Variants in CRYL1 observed in about 807,000 individuals in gnomAD.
CRYL1 encodes the protein crystallin lambda 1.
CRYL1 carries 29 observed loss-of-function variants against 36.6 expected under a neutral mutation model. The ratio of observed to expected loss-of-function variants is 0.79; its 90% CI spans 0.59 to 1.08. The LOEUF (loss-of-function observed/expected upper bound fraction) is 1.08. CRYL1 is among the 50% of genes least tolerant of loss of function. The probability of loss-of-function intolerance (pLI) is 0.00; values close to 1 mark genes in which losing one functional copy is unlikely to be tolerated. For synonymous variants in CRYL1, 152 were observed against 151.5 expected (o/e 1.00, Z -0.02); for missense variants, 411 against 407.9 (o/e 1.01, Z -0.06).
chr13:20,462,032 T>A (rs1287466466), intron 3 of CRYL1, among the ~76,000 whole-genome samples: 2 of 4,978 alleles, frequency 4.0e-4, no homozygotes, highest in Admixed American at 2.7e-3. Flanking sequence ...GAGGACAGTC[T>A]GGAGAGAAGA....
intron 3 of CRYL1, among the ~76,000 whole-genome samples, chr13:20,468,899 G>A (rs1332171012): frequency 6.6e-6 from 1 of 152,252 alleles, no homozygotes; most frequent in East Asian, 1.9e-4. Context: ...GATCCACCAT[G>A]CCCAGCGCTC....
chr13:20,432,010 GAAC>G lies in CRYL1; in HGVS notation c.633+89_633+91del, dbSNP rs768917825. On this transcript the variant is annotated intron_variant, in intron 5 of 7. Coordinates refer to ENST00000298248, the MANE Select transcript of CRYL1 (RefSeq NM_015974.3). ...TTTCCCAGCTTCCAGGCTGCCCAAG[GAAC>G]AACTTTCACTGTCCTGCTCAACTTT... 18 of 1,599,954 alleles carry G rather than the reference GAAC, an allele frequency of 1.1e-5. No homozygotes were observed. In the East Asian group the frequency reaches 4.0e-4, roughly 36 times the overall value.
chr13:20,421,394 A>G (rs2031811113), intron 5 of CRYL1, among the ~76,000 whole-genome samples: 1 of 152,178 alleles, frequency 6.6e-6, no homozygotes, highest in African/African-American at 2.4e-5. Context: ...TGAACCAAAG[A>G]GTGTAAGCCC....
chr13:20,510,990 T>C (rs2137507912), intron 2 of CRYL1, among the ~76,000 whole-genome samples: 1 of 152,328 alleles, frequency 6.6e-6, no homozygotes, highest in Middle Eastern at 3.4e-3. Flanking sequence ...GGTTCTGAAA[T>C]GCCAAGTCCC....
intron 2 of CRYL1, among the ~76,000 whole-genome samples, chr13:20,499,094 A>G (rs7337035): frequency 0.87 from 132,644 of 152,148 alleles, 60,424 homozygotes; most frequent in East Asian, 1. Context: ...TGTAATTGCA[A>G]CACTTTGGGA....
chr13:20,450,444 A>G (rs2032545943), intron 3 of CRYL1, among the ~76,000 whole-genome samples: 1 of 152,192 alleles, frequency 6.6e-6, no homozygotes, highest in Non-Finnish European at 1.5e-5. Flanking sequence ...TTAACTCAAG[A>G]TAGACTAAAG....
chr13:20,407,266 C>T (rs549298553), intron 6 of CRYL1, among the ~76,000 whole-genome samples: 2 of 151,830 alleles, frequency 1.3e-5, no homozygotes, highest in African/African-American at 4.8e-5. Flanking sequence ...GAAGTTTAGG[C>T]GCCCACACCA....
intron 5 of CRYL1, among the ~76,000 whole-genome samples, chr13:20,413,984 G>T (rs1270849651): frequency 6.6e-6 from 1 of 152,000 alleles, no homozygotes; most frequent in African/African-American, 2.4e-5. Context: ...GACCAGCCTG[G>T]CCAACATGGT....
intron 2 of CRYL1, among the ~76,000 whole-genome samples, chr13:20,499,169 C>T (rs998681721): frequency 6.6e-6 from 1 of 151,934 alleles, no homozygotes; most frequent in African/African-American, 2.4e-5. Context: ...CATGGCAAAA[C>T]CCCATCTCTA....
At chr13:20,516,726 T>C (rs1291697587) in intron 1 of CRYL1, among the ~76,000 whole-genome samples, 1 of 152,124 alleles carries the variant, frequency 6.6e-6, no homozygotes, top group Non-Finnish European at 1.5e-5. Flanking sequence ...GTGATCCACC[T>C]GCCTTGGCCT....
At chr13:20,473,330 C>T (rs907031001) in intron 3 of CRYL1, among the ~76,000 whole-genome samples, 2 of 152,216 alleles carry the variant, frequency 1.3e-5, no homozygotes, top group African/African-American at 4.8e-5. Flanking sequence ...AGCTGTGAGA[C>T]AGCTATATTT....
rs546887378 is a variant in CRYL1, at chr13:20,476,022, C to A, written c.276+13348G>T. Among the ~76,000 whole-genome samples the A allele has an allele frequency of 5.9e-5, 9 of 152,296 alleles. No homozygotes were observed. In the East Asian group the frequency reaches 1.2e-3, roughly 20 times the overall value. ...CCCCACGCACACGGCAGTTCCGGGG[C>A]AGGTCCTGCGCACGCGGCAGGAAGG... is the stretch of plus-strand genomic sequence containing the variant. On this transcript the variant is annotated intron_variant, in intron 3 of 7. Transcript: ENST00000298248.
intron 5 of CRYL1, among the ~76,000 whole-genome samples, chr13:20,427,770 C>A (rs1336673573): frequency 7.2e-6 from 1 of 138,452 alleles, no homozygotes; most frequent in African/African-American, 2.6e-5. Context: ...AATTGATAAA[C>A]CTCTAGCAAG....
chr13:20,512,805 G>T (rs1227451989), intron 1 of CRYL1, among the ~76,000 whole-genome samples: 1 of 152,172 alleles, frequency 6.6e-6, no homozygotes, highest in African/African-American at 2.4e-5. Flanking sequence ...ACGGGGGTGG[G>T]AGAGGGAGGA....
intron 5 of CRYL1, among the ~76,000 whole-genome samples, chr13:20,426,330 G>T (rs2031934663): frequency 2.7e-5 from 4 of 150,492 alleles, no homozygotes; most frequent in Non-Finnish European, 5.9e-5. Flanking sequence ...GCTGGTCTTG[G>T]ACTCCTGGGC....
intron 1 of CRYL1, among the ~76,000 whole-genome samples, chr13:20,524,980 A>G (rs2034163057): frequency 6.7e-6 from 1 of 148,526 alleles, no homozygotes; most frequent in Admixed American, 6.8e-5. Flanking sequence ...CAGCTGGCCA[A>G]AGAAAGGTAC....
intron 2 of CRYL1, among the ~76,000 whole-genome samples, chr13:20,506,195 G>A (rs2033793593): frequency 6.6e-6 from 1 of 152,128 alleles, no homozygotes; most frequent in African/African-American, 2.4e-5. Flanking sequence ...AGAGGTAGTT[G>A]GTCACAAGAT....
At chr13:20,466,057 T>C (rs2032926530) in intron 3 of CRYL1, among the ~76,000 whole-genome samples, 1 of 151,780 alleles carries the variant, frequency 6.6e-6, no homozygotes, top group South Asian at 2.1e-4. Context: ...CCTAAAGCCC[T>C]CACCAGAAGC....
intron 2 of CRYL1, among the ~76,000 whole-genome samples, chr13:20,512,164 C>T (rs759210738): frequency 1.8e-4 from 27 of 152,206 alleles, no homozygotes; most frequent in Non-Finnish European, 3.2e-4. Flanking sequence ...CCTCCAGCCC[C>T]GGGGCAAACA....
Sources: gnomAD v4.1 joint callset for allele counts (sites outside exome capture counted in the v4.1 genomes callset) on GRCh38, gnomAD v4.1.1 for gene constraint, MANE v1.5 for transcripts, NCBI Gene and HGNC (gene_info 2026-07-23, HGNC 2026-07-21) for gene names.